The following TNNI3K variants were observed in gnomAD, a reference collection of about 807,000 sequenced individuals.
TNNI3K encodes the protein serine/threonine-protein kinase TNNI3K.
TNNI3K carries 140 observed loss-of-function variants against 114.5 expected under a neutral mutation model. That is an observed-to-expected ratio of 1.22 (90% CI 1.07 to 1.41). The LOEUF is 1.41. Ranked by LOEUF, TNNI3K falls within the 40% of genes most tolerant of loss-of-function variation. The probability of loss-of-function intolerance (pLI) is 0.00; values close to 1 mark genes in which losing one functional copy is unlikely to be tolerated. For missense variants in TNNI3K, 1,125 were observed against 1,007.6 expected (o/e 1.12, Z -1.58); for synonymous variants, 347 against 347.5 (o/e 1.00, Z 0.02).
At chr1:74,445,338 T>C (rs1405380185) in intron 20 of TNNI3K, among the ~76,000 whole-genome samples, 1 of 143,580 alleles carries the variant, frequency 7.0e-6, no homozygotes, top group Non-Finnish European at 1.5e-5. Context: ...TCATCTAGCA[T>C]TAGGTATATC....
At chr1:74,507,126 A>G (rs1405336452) in intron 23 of TNNI3K, among the ~76,000 whole-genome samples, 3 of 152,194 alleles carry the variant, frequency 2.0e-5, no homozygotes, top group Non-Finnish European at 2.9e-5. Context: ...ATTATTCATT[A>G]CAAATATTTC....
intron 17 of TNNI3K, among the ~76,000 whole-genome samples, chr1:74,417,366 G>T (rs988935754): frequency 2.0e-5 from 3 of 152,046 alleles, no homozygotes; most frequent in Admixed American, 6.6e-5. Flanking sequence ...ACTAATGCAG[G>T]CCCATGTCCT....
intron 21 of TNNI3K, chr1:74,472,034 A>T (rs1390011343): frequency 1.4e-6 from 1 of 708,118 alleles, no homozygotes; most frequent in Non-Finnish European, 2.6e-6. Context: ...CAAGGCTTGG[A>T]TGATGAGCTT....
chr1:74,369,359 T>C, intron 15 of TNNI3K, 32 bp from the exon 16 acceptor site: 2 of 1,606,364 alleles, frequency 1.2e-6, no homozygotes, highest in Non-Finnish European at 1.7e-6. Context: ...TCCATCTGTT[T>C]ACTGAAGATT....
At chr1:74,542,200 G>A (rs985287273) in intron 24 of TNNI3K, among the ~76,000 whole-genome samples, 1 of 152,170 alleles carries the variant, frequency 6.6e-6, no homozygotes, top group South Asian at 2.1e-4. Flanking sequence ...CCTGAGGGTA[G>A]AGCCCACCCA....
intron 5 of TNNI3K, among the ~76,000 whole-genome samples, chr1:74,327,590 GTAT>G (rs755647243): frequency 2.4e-4 from 35 of 143,848 alleles, no homozygotes; most frequent in East Asian, 6.0e-4. Context: ...TATATCAGTG[GTAT>G]TATTATATAT....
In TNNI3K at chr1:74,268,479, T is replaced by C. The variant is rs977391316; in HGVS notation, c.334-3119T>C. Among the ~76,000 whole-genome samples, 3 of 151,860 alleles carry C rather than the reference T, an allele frequency of 2.0e-5. No individual in the cohort carries two copies. The South Asian group carries it at 6.2e-4, about 31-fold the overall frequency. Reference sequence around the variant, plus strand: ...TGGTACAGCCTTTTTCCATGTTTTATTCCTTTGTTTGTTGCAGTGCCTAAC... The same window carrying C: ...TGGTACAGCCTTTTTCCATGTTTTACTCCTTTGTTTGTTGCAGTGCCTAAC... On this transcript the variant is annotated intron_variant, in intron 4 of 24. Transcript: ENST00000326637.
chr1:74,388,289 T>A (rs1176033698), intron 17 of TNNI3K, among the ~76,000 whole-genome samples: 4 of 151,652 alleles, frequency 2.6e-5, no homozygotes, highest in Admixed American at 6.6e-5. Flanking sequence ...AAAAAAATAA[T>A]AATAATTTTT....
chr1:74,402,422 G>A (rs1664412243), intron 17 of TNNI3K, among the ~76,000 whole-genome samples: 1 of 152,082 alleles, frequency 6.6e-6, no homozygotes, highest in African/African-American at 2.4e-5. Flanking sequence ...TGGACCATTT[G>A]GAGAAAACTC....
At chr1:74,279,999 C>G (rs957207108) in intron 5 of TNNI3K, among the ~76,000 whole-genome samples, 1 of 152,064 alleles carries the variant, frequency 6.6e-6, no homozygotes, top group African/African-American at 2.4e-5. Flanking sequence ...ACAGGATAAC[C>G]GAGTTGAACA....
intron 23 of TNNI3K, among the ~76,000 whole-genome samples, chr1:74,500,274 T>C (rs1184090458): frequency 6.6e-6 from 1 of 152,086 alleles, no homozygotes; most frequent in Non-Finnish European, 1.5e-5. Flanking sequence ...TAATGTTTCA[T>C]TGTTTGTTAT....
At chr1:74,391,957 A>ATTTTTTTTTTTTTTTTTTTTTTT (rs34656417) in intron 17 of TNNI3K, among the ~76,000 whole-genome samples, 3 of 92,990 alleles carry the variant, frequency 3.2e-5, no homozygotes, top group Non-Finnish European at 4.4e-5. Context: ...ACAGCTTATT[A>ATTTTTTTTTTTTTTTTTTTTTTT]TTTTTTTTTT....
intron 17 of TNNI3K, among the ~76,000 whole-genome samples, chr1:74,395,794 G>C (rs995329145): frequency 8.5e-5 from 13 of 152,258 alleles, no homozygotes; most frequent in Middle Eastern, 3.4e-3. Context: ...AAGAATTCTA[G>C]GCCTAGGGAA....
At chr1:74,416,539 G>T in intron 17 of TNNI3K, 1 of 985,294 alleles carries the variant, frequency 1.0e-6, no homozygotes, top group Non-Finnish European at 1.2e-6. Context: ...TCAAATCCAA[G>T]AACCAAATTA....
At chr1:74,538,652 A>G (rs2100460514) in intron 23 of TNNI3K, among the ~76,000 whole-genome samples, 1 of 152,294 alleles carries the variant, frequency 6.6e-6, no homozygotes, top group South Asian at 2.1e-4. Context: ...GTCAGGATCT[A>G]TTCTTGGCTC....
chr1:74,457,882 A>G (rs904671216), intron 20 of TNNI3K, among the ~76,000 whole-genome samples: 6 of 152,164 alleles, frequency 3.9e-5, no homozygotes, highest in African/African-American at 1.4e-4. Context: ...GACCAGTGAG[A>G]TAGGTTGTAG....
chr1:74,353,140 G>C, intron 9 of TNNI3K, 126 bp from the exon 10 acceptor site: 1 of 979,480 alleles, frequency 1.0e-6, no homozygotes, highest in South Asian at 1.7e-5. Context: ...CCTAAATACA[G>C]TCTCATTGTC....
intron 23 of TNNI3K, among the ~76,000 whole-genome samples, chr1:74,506,436 A>AT (rs1401434473): frequency 6.6e-6 from 1 of 152,132 alleles, no homozygotes; most frequent in Non-Finnish European, 1.5e-5. Context: ...AAAGCCCATG[A>AT]TTTTTTTACT....
chr1:74,434,284 C>T (rs1666025430), intron 17 of TNNI3K, among the ~76,000 whole-genome samples: 1 of 151,990 alleles, frequency 6.6e-6, no homozygotes, highest in South Asian at 2.1e-4. Flanking sequence ...TTAGTAAGTA[C>T]ATTTTTAGTA....
Sources: gnomAD v4.1 joint callset for allele counts (sites outside exome capture counted in the v4.1 genomes callset) on GRCh38, gnomAD v4.1.1 for gene constraint, MANE v1.5 for transcripts, NCBI Gene and HGNC (gene_info 2026-07-23, HGNC 2026-07-21) for gene names.